The following PKNOX2 variants were observed in gnomAD, a reference collection of about 807,000 sequenced individuals.
The protein encoded by PKNOX2 is PBX/knotted 1 homeobox 2.
In PKNOX2, 14 loss-of-function variants were observed where a neutral mutation model predicts 53.1. That is an observed-to-expected ratio of 0.26 (90% confidence interval 0.17 to 0.41). The LOEUF (loss-of-function observed/expected upper bound fraction) is 0.41, where lower values mean the gene tolerates loss of function less well. Among genes scored for constraint, PKNOX2 ranks in the 10% least tolerant of loss-of-function variants. The pLI, the probability that PKNOX2 is intolerant of heterozygous loss-of-function variation, is 1.00. For synonymous variants in PKNOX2, 257 were observed against 242.8 expected, an observed-to-expected ratio of 1.06 and a Z score of -0.54; for missense variants, 496 against 602.8, an observed-to-expected ratio of 0.82 and a Z score of 1.85.
chr11:125,177,772 C>T (rs1434047270), intron 1 of PKNOX2, among the ~76,000 whole-genome samples: 4 of 152,146 alleles, frequency 2.6e-5, no homozygotes, highest in Non-Finnish European at 5.9e-5. Context: ...CTCTGGGGAG[C>T]ACAGCTAGAA....
Position 125,175,540 on chromosome 11 carries a change from G to C in PKNOX2, c.-201+10764G>C, listed in dbSNP as rs906068813. ...CGAGTGGAGGCTCCTTTGCTATGTG[G>C]TAGGCTCTGTGCTGAGCCCTGTGCT... On this transcript the variant is annotated intron_variant, in intron 1 of 12. Transcript: ENST00000298282. Among the ~76,000 whole-genome samples the C allele has an allele frequency of 2.6e-5, 4 of 152,366 alleles. No homozygotes were observed. In the East Asian group the frequency reaches 5.8e-4, roughly 22 times the overall value.
chr11:125,283,532 A>C (rs1217513793), intron 2 of PKNOX2, among the ~76,000 whole-genome samples: 4 of 152,260 alleles, frequency 2.6e-5, no homozygotes, highest in African/African-American at 9.6e-5. Flanking sequence ...CAAGTGGAAT[A>C]AACAGTGATA....
rs1211877016 is a variant in PKNOX2 at position 125,430,211 on chromosome 11, C to T, written c.1192+70C>T. On this transcript the variant is annotated intron_variant, in intron 12 of 12. Transcript: ENST00000298282. ...CTCCTGGAGCTTCTTCAGGTCAAGC[C>T]GTGCAAAGATTCAAGGGCTATCTCC... The T allele has an allele frequency of 1.4e-5, 21 of 1,534,758 alleles. 1 individual carries two copies. The highest frequency in any genetic ancestry group is 7.8e-5 in the Admixed American group (4 of 51,162).
intron 2 of PKNOX2, among the ~76,000 whole-genome samples, chr11:125,259,816 G>A (rs139830369): frequency 4.6e-5 from 7 of 152,082 alleles, no homozygotes; most frequent in East Asian, 1.9e-4. Context: ...GCCTGCTTTC[G>A]GTTGACTGTC....
intron 2 of PKNOX2, among the ~76,000 whole-genome samples, chr11:125,324,670 G>T (rs771890518): frequency 6.6e-6 from 1 of 152,190 alleles, no homozygotes; most frequent in Non-Finnish European, 1.5e-5. Context: ...AGATGGATCA[G>T]GAGGGAATTG....
intron 4 of PKNOX2, among the ~76,000 whole-genome samples, chr11:125,360,529 G>A (rs1951867513): frequency 6.6e-6 from 1 of 152,170 alleles, no homozygotes; most frequent in Non-Finnish European, 1.5e-5. Flanking sequence ...CCTTGGGCAT[G>A]CCACTCAATT....
chr11:125,172,330 A>G (rs1033367155), intron 1 of PKNOX2, among the ~76,000 whole-genome samples: 6 of 152,166 alleles, frequency 3.9e-5, no homozygotes, highest in Non-Finnish European at 8.8e-5. Context: ...AACTTAGACC[A>G]ATGAGTTGGT....
chr11:125,306,394 T>G (rs7114721), intron 2 of PKNOX2, among the ~76,000 whole-genome samples: 40,169 of 152,084 alleles, frequency 0.26, 6,654 homozygotes, highest in East Asian at 0.53. Flanking sequence ...TGAAGTCCAC[T>G]TCTACTCCCA....
At chr11:125,204,402 C>T (rs1000965554) in intron 1 of PKNOX2, among the ~76,000 whole-genome samples, 6 of 152,218 alleles carry the variant, frequency 3.9e-5, no homozygotes, top group Admixed American at 3.3e-4. Flanking sequence ...CTCCTGGTGA[C>T]ATCAATGCTG....
intron 7 of PKNOX2, 117 bp downstream of exon 7, chr11:125,398,179 T>C: frequency 9.3e-7 from 1 of 1,075,764 alleles, no homozygotes; most frequent in Non-Finnish European, 1.3e-6. Context: ...CTGGGTTCCT[T>C]TGCCATGAGG....
At chr11:125,251,015 T>G (rs2135674364) in intron 2 of PKNOX2, among the ~76,000 whole-genome samples, 1 of 152,354 alleles carries the variant, frequency 6.6e-6, no homozygotes, top group East Asian at 1.9e-4. Flanking sequence ...AGCATAACGC[T>G]GATTGCCCAA....
chr11:125,423,322 G>A (rs1591568060), intron 10 of PKNOX2, among the ~76,000 whole-genome samples: 1 of 152,152 alleles, frequency 6.6e-6, no homozygotes, highest in African/African-American at 2.4e-5. Context: ...TGACCGGTGT[G>A]CCTTAATGGA....
chr11:125,332,368 A>G (rs952090950), intron 3 of PKNOX2, among the ~76,000 whole-genome samples: 12 of 152,066 alleles, frequency 7.9e-5, no homozygotes, highest in Non-Finnish European at 1.8e-4. Flanking sequence ...CAGGATTAGG[A>G]CTCAGGAACC....
intron 2 of PKNOX2, among the ~76,000 whole-genome samples, chr11:125,330,927 A>G (rs1950102810): frequency 6.6e-6 from 1 of 152,128 alleles, no homozygotes; most frequent in Non-Finnish European, 1.5e-5. Context: ...AGATGCATTT[A>G]CCTCTGGCGT....
chr11:125,385,566 G>T lies in PKNOX2; in HGVS notation c.243G>T (p.Pro81=), dbSNP rs758344216. The T allele has an allele frequency of 1.2e-6, 2 of 1,608,990 alleles. No homozygotes were observed. Among genetic ancestry groups the T allele is most frequent in the Admixed American group, 1.7e-5 (1 of 58,854 alleles). ...GTCCCTGCAGGCACCCTCTTTTCCCGCTCCTGACGCTGCTGTTTGAGAAAT... is the reference window on the plus strand; with the variant it reads ...GTCCCTGCAGGCACCCTCTTTTCCCTCTCCTGACGCTGCTGTTTGAGAAAT... ...KRAVYRHPLF[P]LLTLLFEKCE... is the part of the protein sequence containing the mutation. Residue 81 remains proline (P), a synonymous_variant, in exon 6 of 13, where the codon CCG becomes CCT. Transcript: ENST00000298282.
At chr11:125,356,224 G>GCTTT (rs1951607356) in intron 4 of PKNOX2, among the ~76,000 whole-genome samples, 1 of 152,178 alleles carries the variant, frequency 6.6e-6, no homozygotes, top group Non-Finnish European at 1.5e-5. Context: ...CAGAAATCCT[G>GCTTT]GTAGATCCTA....
At chr11:125,307,585 C>A (rs1209274967) in intron 2 of PKNOX2, among the ~76,000 whole-genome samples, 12 of 152,080 alleles carry the variant, frequency 7.9e-5, no homozygotes, top group South Asian at 4.1e-4. Context: ...ACAACAACAA[C>A]AAAAAACAAT....
chr11:125,403,622 C>T (rs538458678), intron 7 of PKNOX2, among the ~76,000 whole-genome samples: 1 of 152,232 alleles, frequency 6.6e-6, no homozygotes, highest in Non-Finnish European at 1.5e-5. Context: ...GTGCTGGAGT[C>T]CGGGATGGGC....
chr11:125,377,071 T>C (rs147032201), intron 5 of PKNOX2, among the ~76,000 whole-genome samples: 27 of 152,322 alleles, frequency 1.8e-4, no homozygotes, highest in African/African-American at 5.3e-4. Context: ...GGTGTCAGTG[T>C]TGCCCTGAAT....
Sources: allele counts gnomAD v4.1 joint callset (sites outside exome capture counted in the v4.1 genomes callset), GRCh38; gene constraint gnomAD v4.1.1; transcripts MANE v1.5; gene names NCBI Gene and HGNC (gene_info 2026-07-23, HGNC 2026-07-21).